SPMIP2: variants seen among roughly 807,000 people sequenced by gnomAD.
SPMIP2 encodes protein SPMIP2.
chr4:159,064,506 GTTTCTTGT>G, the SPMIP2 span: 1 of 152,046 alleles, frequency 6.6e-6, no homozygotes, highest in African/African-American at 2.4e-5. Flanking sequence ...ATTCTTCACT[GTTTCTTGT>G]TTGAAAGAAA....
the SPMIP2 span, chr4:158,905,379 T>C: frequency 6.6e-6 from 1 of 152,320 alleles, no homozygotes; most frequent in Non-Finnish European, 1.5e-5. Flanking sequence ...CTTACCAAAG[T>C]TATTTCTATA....
At chr4:159,007,328 C>T in the SPMIP2 span, 7 of 744,724 alleles carry the variant, frequency 9.4e-6, no homozygotes, top group African/African-American at 1.7e-5. Flanking sequence ...CATCCCAGGC[C>T]CTCCACCCAA....
At chr4:158,958,725 G>A in the SPMIP2 span, among the ~76,000 whole-genome samples, 1 of 152,150 alleles carries the variant, frequency 6.6e-6, no homozygotes, top group Non-Finnish European at 1.5e-5. Flanking sequence ...CTGAAACTGA[G>A]TCAGGGCCCT....
chr4:158,915,674 T>C, the SPMIP2 span, among the ~76,000 whole-genome samples: 2 of 152,196 alleles, frequency 1.3e-5, no homozygotes, highest in Non-Finnish European at 2.9e-5. Context: ...ATGCTAACAC[T>C]GAGGCTTCAT....
At chr4:159,075,329 A>G in the SPMIP2 span, among the ~76,000 whole-genome samples, 1 of 152,246 alleles carries the variant, frequency 6.6e-6, no homozygotes, top group Non-Finnish European at 1.5e-5. Flanking sequence ...AAATATGTCA[A>G]TGAGATATTA....
the SPMIP2 span, among the ~76,000 whole-genome samples, chr4:158,916,479 G>A: frequency 6.6e-6 from 1 of 152,140 alleles, no homozygotes; most frequent in Non-Finnish European, 1.5e-5. Flanking sequence ...TGGTGGGAGG[G>A]AAGTGACCAT....
chr4:158,921,527 C>G, the SPMIP2 span, among the ~76,000 whole-genome samples: 1 of 152,044 alleles, frequency 6.6e-6, no homozygotes. Context: ...TCCTATTGGC[C>G]ATAGGAAGAT....
At chr4:159,010,658 C>T in the SPMIP2 span, among the ~76,000 whole-genome samples, 16 of 152,162 alleles carry the variant, frequency 1.1e-4, no homozygotes, top group African/African-American at 3.4e-4. Flanking sequence ...AATAATGCTA[C>T]CATGTGGCCC....
chr4:158,899,103 A>C, the SPMIP2 span, among the ~76,000 whole-genome samples: 1 of 152,168 alleles, frequency 6.6e-6, no homozygotes, highest in Non-Finnish European at 1.5e-5. Context: ...GAGATGAGAT[A>C]ATCATCTGGT....
the SPMIP2 span, among the ~76,000 whole-genome samples, chr4:159,080,825 G>A: frequency 3.9e-5 from 6 of 152,126 alleles, no homozygotes; most frequent in African/African-American, 7.2e-5. Flanking sequence ...CCAGGTTCAC[G>A]CCGTTCTCCT....
chr4:159,044,097 G>A, the SPMIP2 span, among the ~76,000 whole-genome samples: 1 of 151,706 alleles, frequency 6.6e-6, no homozygotes, highest in African/African-American at 2.4e-5. Flanking sequence ...TACTTTTCTT[G>A]TTGTATATTT....
the SPMIP2 span, chr4:158,973,138 T>C: frequency 6.2e-7 from 1 of 1,612,100 alleles, no homozygotes; most frequent in Non-Finnish European, 8.5e-7. Context: ...TGTGGTATTC[T>C]CCAACCAATT....
the SPMIP2 span, chr4:159,035,127 T>C: frequency 1.3e-6 from 2 of 1,584,502 alleles, no homozygotes; most frequent in Non-Finnish European, 1.7e-6. Context: ...TACTGGATTT[T>C]CTTCTTCGGC....
At chr4:159,035,245 G>T in the SPMIP2 span, 4 of 622,058 alleles carry the variant, frequency 6.4e-6, no homozygotes, top group Non-Finnish European at 1.1e-5. Flanking sequence ...TTTATGACAG[G>T]GAGATAGAAT....
At chr4:158,928,075 C>T in the SPMIP2 span, among the ~76,000 whole-genome samples, 1 of 152,220 alleles carries the variant, frequency 6.6e-6, no homozygotes, top group Admixed American at 6.5e-5. Flanking sequence ...CACCCAAGGG[C>T]TGAGGAGTGC....
chr4:158,933,149 A>G, the SPMIP2 span, among the ~76,000 whole-genome samples: 4 of 152,226 alleles, frequency 2.6e-5, no homozygotes, highest in South Asian at 2.1e-4. Context: ...GATTACAGGC[A>G]CACACTACCA....
chr4:158,969,307 G>A, the SPMIP2 span, among the ~76,000 whole-genome samples: 1,101 of 152,220 alleles, frequency 7.2e-3, 6 homozygotes, highest in South Asian at 0.012. Flanking sequence ...AGTTTAGCAC[G>A]GGATTGAAAC....
chr4:158,951,568 G>A, the SPMIP2 span, among the ~76,000 whole-genome samples: 26 of 152,232 alleles, frequency 1.7e-4, no homozygotes, highest in African/African-American at 4.1e-4. Flanking sequence ...CCCATTTTAC[G>A]ACTAAGTCAA....
the SPMIP2 span, among the ~76,000 whole-genome samples, chr4:159,014,976 T>C: frequency 2.0e-5 from 3 of 152,270 alleles, no homozygotes; most frequent in Admixed American, 1.3e-4. Context: ...ATTTTCATTA[T>C]GCATTGCAAC....
Sources: allele counts gnomAD v4.1 joint callset (sites outside exome capture counted in the v4.1 genomes callset), GRCh38; gene constraint gnomAD v4.1.1; transcripts MANE v1.5; gene names NCBI Gene and HGNC (gene_info 2026-07-23, HGNC 2026-07-21).